Variants in CSMD1 observed in about 807,000 individuals in gnomAD.
CSMD1 encodes CUB and Sushi multiple domains 1, also known as CUB and sushi domain-containing protein 1.
Under a neutral mutation model 417.5 loss-of-function variants are expected in CSMD1, and 213 were observed. The ratio of observed to expected loss-of-function variants is 0.51; its 90% CI spans 0.46 to 0.57. The LOEUF is 0.57. Ranked by LOEUF, CSMD1 falls within the 20% of genes least tolerant of loss-of-function variation. The pLI, the probability that CSMD1 is intolerant of heterozygous loss-of-function variation, is 0.00. For synonymous variants in CSMD1, 2,862 were observed against 1,736.8 expected, an observed-to-expected ratio of 1.65 and a Z score of -16.11; for missense variants, 6,923 against 4,529.7, an observed-to-expected ratio of 1.53 and a Z score of -15.17.
intron 41 of CSMD1, among the ~76,000 whole-genome samples, chr8:3,130,591 T>A (rs1375105106): frequency 6.6e-6 from 1 of 152,122 alleles, no homozygotes; most frequent in Non-Finnish European, 1.5e-5. Flanking sequence ...GGGGAAGCCC[T>A]CTGACCTTCC....
rs1812561587 is a variant in CSMD1 at position 3,409,660 on chromosome 8, T to G, written c.1562-55A>C. 6.5e-6 allele frequency: 9 copies of G among 1,390,770 alleles called. No individual in the cohort carries two copies. The South Asian group carries it at 1.3e-4, about 20-fold the overall frequency. 86.2% of individuals were successfully genotyped at this position (1,390,770 alleles called of 1,614,324 possible). On this transcript the variant is annotated intron_variant, in intron 12 of 69. Transcript: ENST00000635120. ...AAAAAACACACACAAGGAATATTTT[T>G]ATCTCTACAACTTAGAAAGTAAATA...
chr8:3,357,508 G>A (rs567106813), intron 21 of CSMD1, among the ~76,000 whole-genome samples: 1 of 152,180 alleles, frequency 6.6e-6, no homozygotes, highest in East Asian at 1.9e-4. Context: ...TCTAGTTACT[G>A]AGTTTTCATA....
intron 10 of CSMD1, among the ~76,000 whole-genome samples, chr8:3,523,015 C>CCACA (rs35558604): frequency 0.013 from 1,872 of 141,844 alleles, 34 homozygotes; most frequent in African/African-American, 0.044. Context: ...ATACACACAC[C>CCACA]CACACACACA....
intron 12 of CSMD1, among the ~76,000 whole-genome samples, chr8:3,436,317 C>G (rs921325830): frequency 2.6e-5 from 4 of 152,108 alleles, no homozygotes; most frequent in African/African-American, 9.7e-5. Flanking sequence ...GTGAGAAAGT[C>G]CATGCCTTAG....
intron 23 of CSMD1, among the ~76,000 whole-genome samples, chr8:3,334,778 G>C (rs1238870357): frequency 6.6e-6 from 1 of 152,168 alleles, no homozygotes; most frequent in African/African-American, 2.4e-5. Flanking sequence ...AGTAAGTAGA[G>C]TGGGACTTCC....
At chr8:3,627,301 G>A (rs2449219) in intron 7 of CSMD1, among the ~76,000 whole-genome samples, 17,014 of 152,086 alleles carry the variant, frequency 0.11, 1,243 homozygotes, top group African/African-American at 0.2. Context: ...AGACACTTGG[G>A]AGAAGTAAAA....
intron 11 of CSMD1, among the ~76,000 whole-genome samples, chr8:3,480,009 G>A (rs1817644311): frequency 1.3e-5 from 2 of 152,164 alleles, no homozygotes; most frequent in South Asian, 2.1e-4. Flanking sequence ...TAGAATCAGT[G>A]AACTTGAGAT....
intron 3 of CSMD1, among the ~76,000 whole-genome samples, chr8:4,092,815 T>G (rs1800789971): frequency 6.6e-6 from 1 of 152,206 alleles, no homozygotes; most frequent in African/African-American, 2.4e-5. Flanking sequence ...ACCAATATTT[T>G]TAATTTGTTT....
intron 3 of CSMD1, among the ~76,000 whole-genome samples, chr8:4,036,956 G>GGTGTGTGTGTGTGT (rs57139782): frequency 1.4e-5 from 2 of 145,936 alleles, no homozygotes; most frequent in Non-Finnish European, 3.0e-5. Context: ...GTGAGTGTGG[G>GGTGTGTGTGTGTGT]GTGTGTGTGT....
intron 9 of CSMD1, among the ~76,000 whole-genome samples, chr8:3,578,636 G>C (rs750143570): frequency 1.3e-5 from 2 of 152,128 alleles, no homozygotes; most frequent in Non-Finnish European, 2.9e-5. Context: ...TTTATCACCT[G>C]CCTCTCTCTT....
At chr8:3,906,972 G>C (rs1364650825) in intron 5 of CSMD1, among the ~76,000 whole-genome samples, 2 of 152,164 alleles carry the variant, frequency 1.3e-5, no homozygotes, top group Non-Finnish European at 2.9e-5. Flanking sequence ...TCAGACAACT[G>C]AAACGCTTCA....
chr8:4,275,705 A>C lies in CSMD1; in HGVS notation c.415+144248T>G, dbSNP rs562580158. Reference sequence around the variant, plus strand: ...AAAGCTTGTTTTAGTGATAATACTCAGTGTGATTCCATTCACAATGAGTAT... The same window carrying C: ...AAAGCTTGTTTTAGTGATAATACTCCGTGTGATTCCATTCACAATGAGTAT... On this transcript the variant is annotated intron_variant, in intron 3 of 69. Transcript: ENST00000635120. Among the ~76,000 whole-genome samples, 11 of 152,344 alleles carry C rather than the reference A, an allele frequency of 7.2e-5. No homozygotes were observed. In the South Asian group the frequency reaches 1.9e-3, roughly 26 times the overall value.
At chr8:3,819,560 A>AT (rs1563112268) in intron 5 of CSMD1, among the ~76,000 whole-genome samples, 1 of 23,234 alleles carries the variant, frequency 4.3e-5, no homozygotes, top group African/African-American at 1.8e-4. Context: ...ACACACACAC[A>AT]CGTATGTATA....
In CSMD1 at chr8:3,775,741, C is replaced by G. The variant is rs116969624; in HGVS notation, c.819-21699G>C. ...AAACACACAGTTCAAATGATATGAA[C>G]TATAAACTTGTTTTACTGCCTTAAT... On this transcript the variant is annotated intron_variant, in intron 5 of 69. Transcript: ENST00000635120. Among the ~76,000 whole-genome samples, 361 of 152,296 alleles carry G rather than the reference C, an allele frequency of 2.4e-3. 1 individual carries two copies. The highest frequency in any genetic ancestry group is 4.2e-3 in the Non-Finnish European group (283 of 68,026).
chr8:4,971,673 T>A (rs142387276), intron 1 of CSMD1, among the ~76,000 whole-genome samples: 1 of 134,912 alleles, frequency 7.4e-6, no homozygotes, highest in South Asian at 2.6e-4. Flanking sequence ...CACATATGAC[T>A]GAGAACTATT....
intron 5 of CSMD1, among the ~76,000 whole-genome samples, chr8:3,988,569 G>A (rs934038440): frequency 6.6e-6 from 1 of 152,190 alleles, no homozygotes; most frequent in Non-Finnish European, 1.5e-5. Flanking sequence ...ATCACGGTCT[G>A]CATTTTGAAA....
chr8:4,913,057 G>C (rs1805806940), intron 1 of CSMD1, among the ~76,000 whole-genome samples: 1 of 152,120 alleles, frequency 6.6e-6, no homozygotes, highest in Non-Finnish European at 1.5e-5. Flanking sequence ...CCAAACTGCT[G>C]GGATTACAGG....
At chr8:4,188,386 C>T (rs1198803426) in intron 3 of CSMD1, among the ~76,000 whole-genome samples, 1 of 152,168 alleles carries the variant, frequency 6.6e-6, no homozygotes, top group Non-Finnish European at 1.5e-5. Context: ...TAGCAAACAA[C>T]ACAGGAAACA....
rs1234159058 is a variant in CSMD1 at position 3,052,622 on chromosome 8, G to A, written c.7500C>T (p.Ser2500=). 2 of 1,609,702 alleles carry A rather than the reference G, an allele frequency of 1.2e-6. No individual in the cohort carries two copies. The highest frequency in any genetic ancestry group is 2.2e-5 in the East Asian group (1 of 44,714). The change falls in exon 50 of 70, where the codon TCC becomes TCT. Residue 2500 remains serine, a synonymous_variant. Transcript: ENST00000635120. ...CQAVSCGIPE[S]PGNGSFTGNE... is the part of the protein sequence containing the mutation. ...TCCCGGTAAATGAACCGTTTCCTGG[G>A]GATTCTGGGATTCCACAGGACACAG...
Sources: allele counts gnomAD v4.1 joint callset (sites outside exome capture counted in the v4.1 genomes callset), GRCh38; gene constraint gnomAD v4.1.1; transcripts MANE v1.5; gene names NCBI Gene and HGNC (gene_info 2026-07-23, HGNC 2026-07-21).